The following SLC35F4 variants were observed in gnomAD, a reference collection of about 807,000 sequenced individuals.
SLC35F4 encodes solute carrier family 35 member F4, also known as chromosome 14 open reading frame 36.
Under a neutral mutation model 44.2 loss-of-function variants are expected in SLC35F4, and 24 were observed. The ratio of observed to expected loss-of-function variants is 0.54; its 90% CI spans 0.39 to 0.76. SLC35F4 has a LOEUF of 0.76. Among genes scored for constraint, SLC35F4 ranks in the 30% least tolerant of loss-of-function variants. The pLI, the probability that SLC35F4 is intolerant of heterozygous loss-of-function variation, is 0.00. For synonymous variants in SLC35F4, 238 were observed against 223.6 expected, an observed-to-expected ratio of 1.06 and a Z score of -0.57; for missense variants, 562 against 586.1, an observed-to-expected ratio of 0.96 and a Z score of 0.42.
rs114856682 is a variant in SLC35F4, at chr14:57,945,094, T to A, written n.282+36819A>T. Among the ~76,000 whole-genome samples, 532 of 152,304 alleles carry A rather than the reference T, an allele frequency of 3.5e-3. 3 individuals carry two copies. The highest frequency in any genetic ancestry group is 0.012 in the African/African-American group (503 of 41,544). Reference sequence around the variant, plus strand: ...TTGCATCCAAGAATATGTACATAGTTTACTATGGCATGCATATTCCCATTG... The same window carrying A: ...TTGCATCCAAGAATATGTACATAGTATACTATGGCATGCATATTCCCATTG... On this transcript the variant is annotated intron_variant and non_coding_transcript_variant, in intron 1 of 1. Coordinates refer to the SLC35F4 transcript ENST00000556568.
chr14:57,896,507 G>A (rs1010981928), intron 1 of SLC35F4, among the ~76,000 whole-genome samples: 3 of 152,252 alleles, frequency 2.0e-5, no homozygotes, highest in African/African-American at 7.2e-5. Flanking sequence ...TTCTTGATCT[G>A]GGCAGTGCCC....
intron 4 of SLC35F4, among the ~76,000 whole-genome samples, chr14:57,579,913 C>A (rs1027504474): frequency 6.6e-6 from 1 of 152,212 alleles, no homozygotes; most frequent in African/African-American, 2.4e-5. Flanking sequence ...TTGAAAAGAA[C>A]AGTGGACAAT....
chr14:57,590,124 T>TCAGGC (rs2070068883), intron 2 of SLC35F4, among the ~76,000 whole-genome samples: 1 of 147,068 alleles, frequency 6.8e-6, no homozygotes, highest in Non-Finnish European at 1.5e-5. Flanking sequence ...GTGCTGTGAC[T>TCAGGC]CAGGCCTGTC....
At chr14:57,893,969 A>G (rs1227319672) in intron 1 of SLC35F4, among the ~76,000 whole-genome samples, 2 of 152,164 alleles carry the variant, frequency 1.3e-5, no homozygotes, top group Non-Finnish European at 2.9e-5. Flanking sequence ...TTAAATTCAG[A>G]TAACTGAACA....
chr14:57,619,513 G>A (rs1015867275), intron 1 of SLC35F4, among the ~76,000 whole-genome samples: 21 of 152,094 alleles, frequency 1.4e-4, no homozygotes, highest in African/African-American at 3.4e-4. Flanking sequence ...CAAAAAGGAC[G>A]TCCACCAGGA....
intron 1 of SLC35F4, among the ~76,000 whole-genome samples, chr14:57,851,259 A>C (rs1336319182): frequency 6.6e-6 from 1 of 152,178 alleles, no homozygotes; most frequent in Non-Finnish European, 1.5e-5. Context: ...ATTACCATTA[A>C]ATTTTGCATA....
chr14:57,618,603 C>G (rs1436647404), intron 1 of SLC35F4, among the ~76,000 whole-genome samples: 1 of 152,220 alleles, frequency 6.6e-6, no homozygotes, highest in African/African-American at 2.4e-5. Flanking sequence ...AAGTACAAAA[C>G]TGGGTGGTCA....
chr14:57,824,915 A>T (rs1883564428), intron 1 of SLC35F4, among the ~76,000 whole-genome samples: 1 of 152,140 alleles, frequency 6.6e-6, no homozygotes, highest in Non-Finnish European at 1.5e-5. Context: ...ATCTTGATTA[A>T]TATTAAAAAG....
At chr14:57,777,458 T>C (rs1248130233) in intron 1 of SLC35F4, among the ~76,000 whole-genome samples, 1 of 152,152 alleles carries the variant, frequency 6.6e-6, no homozygotes, top group Non-Finnish European at 1.5e-5. Flanking sequence ...TAAAAAAGGA[T>C]GAGTTCATGT....
At chr14:57,974,271 G>A (rs1881143609), downstream of SLC35F4, among the ~76,000 whole-genome samples, 3 of 152,146 alleles carry the variant, frequency 2.0e-5, no homozygotes, top group African/African-American at 7.2e-5. Flanking sequence ...CAATCTTGGT[G>A]CAGTCAAATT....
chr14:57,603,147 T>A (rs2070928413), intron 1 of SLC35F4, among the ~76,000 whole-genome samples: 2 of 152,226 alleles, frequency 1.3e-5, no homozygotes, highest in Non-Finnish European at 2.9e-5. Flanking sequence ...ATGAAACATT[T>A]TTAAATCTAT....
chr14:57,609,778 A>G (rs746922658), intron 1 of SLC35F4, among the ~76,000 whole-genome samples: 66 of 152,288 alleles, frequency 4.3e-4, no homozygotes, highest in South Asian at 1.0e-3. Flanking sequence ...AATAAGGTAA[A>G]AATGCTGCTG....
At chr14:57,937,435 T>C (rs142596303) in intron 1 of SLC35F4, among the ~76,000 whole-genome samples, 87 of 151,742 alleles carry the variant, frequency 5.7e-4, no homozygotes, top group Non-Finnish European at 1.1e-3. Flanking sequence ...TAGATTACTA[T>C]AGAAAGTAAA....
intron 1 of SLC35F4, among the ~76,000 whole-genome samples, chr14:57,614,435 T>C (rs917842766): frequency 2.6e-5 from 4 of 152,236 alleles, no homozygotes; most frequent in Non-Finnish European, 4.4e-5. Context: ...AGGTAACCCA[T>C]TAGCATCAAT....
chr14:57,888,216 A>G (rs997018624), intron 1 of SLC35F4, among the ~76,000 whole-genome samples: 6 of 152,220 alleles, frequency 3.9e-5, no homozygotes, highest in Non-Finnish European at 8.8e-5. Context: ...ACTAAGAAAC[A>G]TAAGCCACAG....
chr14:57,858,345 A>C (rs1407471609), intron 1 of SLC35F4, among the ~76,000 whole-genome samples: 6 of 152,026 alleles, frequency 3.9e-5, no homozygotes, highest in Non-Finnish European at 7.4e-5. Context: ...GAATACTATG[A>C]AGCCATCAAA....
chr14:57,894,578 A>G (rs543953305), intron 1 of SLC35F4, among the ~76,000 whole-genome samples: 3 of 152,268 alleles, frequency 2.0e-5, no homozygotes, highest in African/African-American at 4.8e-5. Context: ...GCACTGGCCT[A>G]TTCTCTTTAT....
intron 1 of SLC35F4, among the ~76,000 whole-genome samples, chr14:57,901,726 T>C (rs895376752): frequency 2.6e-5 from 4 of 152,176 alleles, no homozygotes; most frequent in Admixed American, 2.0e-4. Flanking sequence ...ATAAATAATA[T>C]TTGCGAATAT....
intron 1 of SLC35F4, among the ~76,000 whole-genome samples, chr14:57,921,332 C>T (rs746049192): frequency 1.3e-5 from 2 of 152,162 alleles, no homozygotes; most frequent in African/African-American, 4.8e-5. Flanking sequence ...AAGTCATTCT[C>T]GTGACAGGCA....
Sources: gnomAD v4.1 joint callset for allele counts (sites outside exome capture counted in the v4.1 genomes callset) on GRCh38, gnomAD v4.1.1 for gene constraint, MANE v1.5 for transcripts, NCBI Gene and HGNC (gene_info 2026-07-23, HGNC 2026-07-21) for gene names.